Variants in AK5 observed in about 807,000 individuals in gnomAD.
The protein encoded by AK5 is adenylate kinase isoenzyme 5.
In AK5, 27 loss-of-function variants were observed where a neutral mutation model predicts 69.5. That is an observed-to-expected ratio of 0.39 (90% CI 0.29 to 0.54). AK5 has a LOEUF of 0.54. AK5 is among the 20% of genes least tolerant of loss of function. AK5 has a pLI of 0.71. For missense variants in AK5, 531 were observed against 700.4 expected, an observed-to-expected ratio of 0.76 and a Z score of 2.73; for synonymous variants, 260 against 244.4, an observed-to-expected ratio of 1.06 and a Z score of -0.60.
At chr1:77,326,507 G>A (rs562738842) in intron 5 of AK5, among the ~76,000 whole-genome samples, 89 of 151,470 alleles carry the variant, frequency 5.9e-4, no homozygotes, top group Middle Eastern at 3.4e-3. Context: ...ATGACATTTT[G>A]TGTCAAGTTT....
intron 5 of AK5, chr1:77,314,934 G>A (rs1660167188): frequency 6.6e-6 from 1 of 152,040 alleles, no homozygotes; most frequent in Admixed American, 6.5e-5. Flanking sequence ...GATATTTATT[G>A]AGATGCTATC....
Position 77,393,028 on chromosome 1 carries a change from G to T in AK5, c.892-17953G>T, listed in dbSNP as rs893070760. Among the ~76,000 whole-genome samples, 24 of 152,066 alleles carry T rather than the reference G, an allele frequency of 1.6e-4. 1 individual carries two copies. The highest frequency in any genetic ancestry group is 1.5e-4 in the Non-Finnish European group (10 of 68,006). On this transcript the variant is annotated intron_variant, in intron 6 of 13. Transcript: ENST00000354567. ...GCTCACTGCAGTCTCGACCTTCTGG[G>T]CTCAATCAGTCTTCCGACCTCAGCC...
chr1:77,359,079 C>T (rs991623780), intron 6 of AK5, among the ~76,000 whole-genome samples: 18 of 151,802 alleles, frequency 1.2e-4, no homozygotes, highest in Non-Finnish European at 2.2e-4. Context: ...CGCGGTGAAA[C>T]CCCGTCTCTA....
intron 10 of AK5, among the ~76,000 whole-genome samples, chr1:77,490,381 G>GA (rs1655908053): frequency 2.0e-5 from 3 of 152,296 alleles, no homozygotes; most frequent in Middle Eastern, 3.4e-3. Context: ...CATCTGAGTG[G>GA]AAAAAATGTT....
chr1:77,356,564 C>T (rs532851173), intron 6 of AK5, among the ~76,000 whole-genome samples: 68 of 152,172 alleles, frequency 4.5e-4, no homozygotes, highest in Non-Finnish European at 8.1e-4. Flanking sequence ...CTCAGTTCTA[C>T]CATCTGAAAA....
chr1:77,384,744 A>G (rs1346936122), intron 6 of AK5, among the ~76,000 whole-genome samples: 1 of 152,248 alleles, frequency 6.6e-6, no homozygotes, highest in African/African-American at 2.4e-5. Flanking sequence ...AACAGTCACT[A>G]TGGAAGTGAG....
intron 10 of AK5, among the ~76,000 whole-genome samples, chr1:77,491,304 A>AT (rs10700619): frequency 0.12 from 10,328 of 86,962 alleles, 1,274 homozygotes; most frequent in African/African-American, 0.27. Flanking sequence ...CATGAATTGA[A>AT]TTTTTTTTTT....
At chr1:77,405,684 A>T (rs1198721238) in intron 6 of AK5, among the ~76,000 whole-genome samples, 4 of 152,134 alleles carry the variant, frequency 2.6e-5, no homozygotes, top group African/African-American at 9.7e-5. Context: ...GTAACCAAGA[A>T]GTGGAGGGAT....
chr1:77,504,134 C>G (rs1160571699), intron 10 of AK5, among the ~76,000 whole-genome samples: 1 of 152,100 alleles, frequency 6.6e-6, no homozygotes. Context: ...GTCCCCAGTC[C>G]TTACACTGCC....
intron 6 of AK5, among the ~76,000 whole-genome samples, chr1:77,357,842 A>G (rs182654105): frequency 6.6e-6 from 1 of 152,350 alleles, no homozygotes; most frequent in East Asian, 1.9e-4. Context: ...TTACTTTTCA[A>G]CATTGGCAAG....
At chr1:77,373,894 G>A (rs771495824) in intron 6 of AK5, among the ~76,000 whole-genome samples, 2 of 151,854 alleles carry the variant, frequency 1.3e-5, no homozygotes, top group African/African-American at 2.4e-5. Flanking sequence ...TTAAATTATT[G>A]CGAAATCTTA....
chr1:77,356,384 G>T (rs1044298606), intron 6 of AK5, among the ~76,000 whole-genome samples: 3 of 152,044 alleles, frequency 2.0e-5, no homozygotes, highest in Non-Finnish European at 4.4e-5. Context: ...ATAAAGAGAA[G>T]AATATAGAAA....
intron 5 of AK5, among the ~76,000 whole-genome samples, chr1:77,316,577 T>C (rs1557490147): frequency 1.3e-5 from 2 of 152,210 alleles, no homozygotes; most frequent in Admixed American, 1.3e-4. Context: ...TTTGATTTGC[T>C]GTGCCTAAGG....
chr1:77,343,085 A>G (rs756612658), intron 6 of AK5, among the ~76,000 whole-genome samples: 12 of 152,344 alleles, frequency 7.9e-5, no homozygotes, highest in Middle Eastern at 3.4e-3. Flanking sequence ...ACAATCAGTT[A>G]TTAAGTGTGA....
rs1273882391 is a variant in AK5 at position 77,414,316 on chromosome 1, G to T, written c.982+3245G>T. Reference sequence around the variant, plus strand: ...CAAGGGAGAAACTGCTTTCCTCAGAGGGTGCAGTTTAAGGGTTGGAGGAGT... The same window carrying T: ...CAAGGGAGAAACTGCTTTCCTCAGATGGTGCAGTTTAAGGGTTGGAGGAGT... On this transcript the variant is annotated intron_variant, in intron 7 of 13. Transcript: ENST00000354567. Among the ~76,000 whole-genome samples, 3 of 152,198 alleles carry T rather than the reference G, an allele frequency of 2.0e-5. No individual in the cohort carries two copies. In the East Asian group the frequency reaches 5.8e-4, roughly 29 times the overall value.
At chr1:77,526,566 C>A (rs1197371947) in intron 12 of AK5, among the ~76,000 whole-genome samples, 1 of 148,138 alleles carries the variant, frequency 6.8e-6, no homozygotes, top group Non-Finnish European at 1.5e-5. Context: ...AGCTCTGCCT[C>A]CCGGGTTCAC....
intron 6 of AK5, among the ~76,000 whole-genome samples, chr1:77,410,560 G>T (rs996349709): frequency 1.3e-5 from 2 of 149,766 alleles, no homozygotes; most frequent in African/African-American, 4.9e-5. Context: ...GATTACAGGA[G>T]TGAGCCACTG....
At position 77,529,075 on chromosome 1, in the gene AK5, T is replaced by C. The variant is rs1658434332; in HGVS notation, c.1429-6772T>C. ...TCTGACTATAGAAATAAAAATTATA[T>C]AGTATGAAACAATACACAAAAATAT... On this transcript the variant is annotated intron_variant, in intron 12 of 13. Transcript: ENST00000354567. Among the ~76,000 whole-genome samples the C allele has an allele frequency of 2.7e-5, 4 of 150,174 alleles. No homozygotes were observed. The Admixed American group carries it at 2.7e-4, about 10-fold the overall frequency.
intron 5 of AK5, among the ~76,000 whole-genome samples, chr1:77,303,536 C>T (rs1659458817): frequency 6.6e-6 from 1 of 152,212 alleles, no homozygotes; most frequent in Admixed American, 6.5e-5. Flanking sequence ...GTTGTATTCT[C>T]ATATCTGCTT....
Sources: allele counts gnomAD v4.1 joint callset (sites outside exome capture counted in the v4.1 genomes callset), GRCh38; gene constraint gnomAD v4.1.1; transcripts MANE v1.5; gene names NCBI Gene and HGNC (gene_info 2026-07-23, HGNC 2026-07-21).